Variants in IPPK observed in about 807,000 individuals in gnomAD.
IPPK encodes inositol-pentakisphosphate 2-kinase, also known as IPK1 homolog.
In IPPK, 22 loss-of-function variants were observed where a neutral mutation model predicts 64.6. That is an observed-to-expected ratio of 0.34 (90% CI 0.24 to 0.49). IPPK has a LOEUF of 0.49. IPPK is among the 20% of genes least tolerant of loss of function. The probability of loss-of-function intolerance (pLI) is 0.99; values close to 1 mark genes in which losing one functional copy is unlikely to be tolerated. For missense variants in IPPK, 532 were observed against 630.7 expected, an observed-to-expected ratio of 0.84 and a Z score of 1.68; for synonymous variants, 262 against 247.2, an observed-to-expected ratio of 1.06 and a Z score of -0.56.
rs1851359714 is a variant in IPPK, at chr9:92,614,189, A to G, written c.*1643T>C. ...GGGAGCCCAGCCCACCTTCCCACGG[A>G]CTGGGGTTCCCTCACATGTGCACTT... is the stretch of plus-strand genomic sequence containing the variant. On this transcript the variant is annotated 3_prime_UTR_variant, in exon 13 of 13. Transcript: ENST00000287996. 1 of 152,464 alleles carries G rather than the reference A, an allele frequency of 6.6e-6. No homozygotes were observed. Among genetic ancestry groups the G allele is most frequent in the South Asian group, 2.1e-4 (1 of 4,836 alleles). 9.4% of individuals were successfully genotyped at this position (152,464 alleles called of 1,614,324 possible).
intron 11 of IPPK, among the ~76,000 whole-genome samples, chr9:92,627,250 C>G (rs553146294): frequency 2.0e-5 from 3 of 152,270 alleles, no homozygotes; most frequent in Non-Finnish European, 2.9e-5. Context: ...AAAGCCCACT[C>G]AGATGGCTTC....
intron 1 of IPPK, among the ~76,000 whole-genome samples, chr9:92,669,390 CT>C (rs1852676704): frequency 6.6e-6 from 1 of 152,240 alleles, no homozygotes; most frequent in Non-Finnish European, 1.5e-5. Flanking sequence ...ACAACATCCC[CT>C]TACTATTAAC....
intron 11 of IPPK, among the ~76,000 whole-genome samples, chr9:92,628,879 C>CA (rs140414911): frequency 0.036 from 5,041 of 138,500 alleles, 111 homozygotes; most frequent in South Asian, 0.1. Flanking sequence ...GACTCTGTCT[C>CA]AAAAAAAAAA....
chr9:92,647,850 C>G (rs1258392592), intron 6 of IPPK, among the ~76,000 whole-genome samples: 1 of 152,152 alleles, frequency 6.6e-6, no homozygotes, highest in Non-Finnish European at 1.5e-5. Context: ...ATGATTGCAT[C>G]ACTGCACTCC....
rs561829643 is a variant in IPPK at position 92,667,397 on chromosome 9, GCTCT to G, written c.81+2507_81+2510del. Among the ~76,000 whole-genome samples the G allele has an allele frequency of 4.9e-3, 745 of 152,272 alleles. 6 individuals carry two copies. The highest frequency in any genetic ancestry group is 7.8e-3 in the Non-Finnish European group (533 of 68,024). On this transcript the variant is annotated intron_variant, in intron 1 of 12. Transcript: ENST00000287996. The stretch of plus-strand genomic sequence containing the variant: ...CCTAAAAAGCTGCCTTCTGGGAATT[GCTCT>G]CTCTCCTCCTCGGTCCACAGCCTGA...
intron 4 of IPPK, among the ~76,000 whole-genome samples, chr9:92,652,076 T>C (rs921163445): frequency 2.0e-5 from 3 of 152,102 alleles, no homozygotes; most frequent in Non-Finnish European, 4.4e-5. Context: ...TGTGCAGTGC[T>C]GTGGTTTTCT....
intron 11 of IPPK, among the ~76,000 whole-genome samples, chr9:92,632,893 G>C (rs898110426): frequency 6.6e-6 from 1 of 152,376 alleles, no homozygotes; most frequent in East Asian, 1.9e-4. Context: ...TCCAGGCAGC[G>C]GTGCATGCAC....
chr9:92,634,206 A>G (rs1851895781), intron 11 of IPPK, among the ~76,000 whole-genome samples, 180 bp downstream of exon 11: 1 of 152,122 alleles, frequency 6.6e-6, no homozygotes, highest in African/African-American at 2.4e-5. Flanking sequence ...TAAAACCTCA[A>G]TGCACCACCA....
rs184558471 is a variant in IPPK at position 92,650,093 on chromosome 9, G to C, written c.293-519C>G. On this transcript the variant is annotated intron_variant, in intron 4 of 12. Transcript: ENST00000287996. ...AATCCCAGCACTTTGGGAGGCCTAA[G>C]TGGGCAGATCATGAGGTCAAGAGAT... is the stretch of plus-strand genomic sequence containing the variant. 1.6e-4 allele frequency among the ~76,000 whole-genome samples: 24 copies of C among 151,434 alleles called. No homozygotes were observed. In the East Asian group the frequency reaches 4.5e-3, roughly 28 times the overall value.
chr9:92,646,750 G>A (rs1335903887), intron 6 of IPPK, among the ~76,000 whole-genome samples: 1 of 152,118 alleles, frequency 6.6e-6, no homozygotes, highest in Non-Finnish European at 1.5e-5. Flanking sequence ...GAGGTCAGGA[G>A]ATTGAAACCA....
chr9:92,641,457 T>C (rs553282554), intron 7 of IPPK, among the ~76,000 whole-genome samples: 3 of 151,738 alleles, frequency 2.0e-5, no homozygotes, highest in African/African-American at 7.3e-5. Flanking sequence ...TCCAGGGAGG[T>C]TTCCCTACTT....
rs2131434170 is a variant in IPPK at position 92,635,565 on chromosome 9, CAT to C, written c.917-259_917-258del. 6.6e-6 allele frequency among the ~76,000 whole-genome samples: 1 copy of C among 152,338 alleles called. No individual in the cohort carries two copies. The highest frequency in any genetic ancestry group is 2.4e-5 in the African/African-American group (1 of 41,574). On this transcript the variant is annotated intron_variant, in intron 9 of 12. Transcript: ENST00000287996. This position sits in a 1 kb window ranked among gnomAD's most constrained non-coding sequence, Gnocchi z 4.4. ...CACAAAGGAGGGAGCAAGAAATGCA[CAT>C]GTCCTGCCTCGTGGCTCTCCTCTCC...
chr9:92,625,313 A>G (rs1851714590), intron 11 of IPPK, among the ~76,000 whole-genome samples: 1 of 152,222 alleles, frequency 6.6e-6, no homozygotes, highest in Non-Finnish European at 1.5e-5. Context: ...AATTAGTAAA[A>G]TCTTTTGGGG....
intron 1 of IPPK, among the ~76,000 whole-genome samples, chr9:92,667,318 C>T (rs1034218492): frequency 6.6e-6 from 1 of 152,196 alleles, no homozygotes; most frequent in African/African-American, 2.4e-5. Context: ...TCCTATTCTA[C>T]CTCACCCATC....
At chr9:92,647,274 A>C (rs1417244427) in intron 6 of IPPK, among the ~76,000 whole-genome samples, 1 of 152,198 alleles carries the variant, frequency 6.6e-6, no homozygotes, top group Non-Finnish European at 1.5e-5. Flanking sequence ...CAGTAATCAA[A>C]AATCTTCTAA....
intron 11 of IPPK, among the ~76,000 whole-genome samples, chr9:92,621,781 T>C (rs1307780719): frequency 6.6e-6 from 1 of 152,158 alleles, no homozygotes; most frequent in Non-Finnish European, 1.5e-5. Flanking sequence ...CCTCCCAAAG[T>C]GTTGGGATTA....
At chr9:92,647,470 C>T (rs1852170326) in intron 6 of IPPK, among the ~76,000 whole-genome samples, 1 of 152,080 alleles carries the variant, frequency 6.6e-6, no homozygotes, top group South Asian at 2.1e-4. Flanking sequence ...AAACTACACA[C>T]CAACATCCCT....
intron 11 of IPPK, among the ~76,000 whole-genome samples, chr9:92,626,839 T>C (rs1416914137): frequency 1.3e-5 from 2 of 151,558 alleles, no homozygotes; most frequent in Non-Finnish European, 2.9e-5. Context: ...ACAGATCACC[T>C]ACTGAGCAAG....
At chr9:92,657,806 C>A (rs1364627462) in intron 2 of IPPK, among the ~76,000 whole-genome samples, 1 of 152,094 alleles carries the variant, frequency 6.6e-6, no homozygotes, top group Admixed American at 6.5e-5. Context: ...TGTGCCCACG[C>A]GGCAGCTGTC....
Sources: allele counts gnomAD v4.1 joint callset (sites outside exome capture counted in the v4.1 genomes callset), GRCh38; gene constraint gnomAD v4.1.1; non-coding constraint Gnocchi (gnomAD v3.1); transcripts MANE v1.5; gene names NCBI Gene and HGNC (gene_info 2026-07-23, HGNC 2026-07-21).